FSTL5: variants seen among roughly 807,000 people sequenced by gnomAD.
FSTL5 encodes the protein follistatin-related protein 5.
FSTL5 carries 62 observed loss-of-function variants against 89.1 expected under a neutral mutation model. The ratio of observed to expected loss-of-function variants is 0.70; its 90% CI spans 0.57 to 0.86. FSTL5 has a LOEUF of 0.86. Ranked by LOEUF, FSTL5 falls within the 40% of genes least tolerant of loss-of-function variation. The probability of loss-of-function intolerance (pLI) is 0.00; values close to 1 mark genes in which losing one functional copy is unlikely to be tolerated. For synonymous variants in FSTL5, 383 were observed against 346.2 expected (o/e 1.11, Z -1.18); for missense variants, 1,057 against 1,001.6 (o/e 1.06, Z -0.75).
intron 3 of FSTL5, among the ~76,000 whole-genome samples, chr4:161,981,795 C>G (rs1735834986): frequency 6.6e-6 from 1 of 151,896 alleles, no homozygotes; most frequent in Non-Finnish European, 1.5e-5. Flanking sequence ...GTATTTATTC[C>G]AGCGTATGTA....
In FSTL5 at chr4:161,393,195, C is replaced by A. The variant is rs182815952; in HGVS notation, c.1842-6746G>T. On this transcript the variant is annotated intron_variant, in intron 15 of 15. Coordinates refer to ENST00000306100, the MANE Select transcript of FSTL5 (RefSeq NM_020116.5). Reference sequence around the variant, plus strand: ...AGAAAAGGAAAAGCAGTTTTAAAATCTATTAATTAATCAAAAAATATTACC... The same window carrying A: ...AGAAAAGGAAAAGCAGTTTTAAAATATATTAATTAATCAAAAAATATTACC... Among the ~76,000 whole-genome samples the A allele has an allele frequency of 1.3e-4, 19 of 151,476 alleles. No homozygotes were observed. In the East Asian group the frequency reaches 3.7e-3, roughly 30 times the overall value.
chr4:161,883,307 A>G (rs1030756805), intron 4 of FSTL5, among the ~76,000 whole-genome samples: 4 of 152,216 alleles, frequency 2.6e-5, no homozygotes, highest in African/African-American at 9.6e-5. Context: ...AACAAGCTCT[A>G]TTCACTCAAA....
At chr4:161,825,980 T>C (rs969929837) in intron 4 of FSTL5, among the ~76,000 whole-genome samples, 10 of 152,172 alleles carry the variant, frequency 6.6e-5, no homozygotes, top group African/African-American at 2.4e-4. Context: ...AGATTGTCTA[T>C]TTGTGCTTTT....
intron 4 of FSTL5, among the ~76,000 whole-genome samples, chr4:161,873,016 C>A (rs1047822035): frequency 5.9e-5 from 9 of 152,084 alleles, no homozygotes; most frequent in Non-Finnish European, 1.3e-4. Flanking sequence ...CAAAAATATT[C>A]TGGAACTATA....
At chr4:161,877,463 T>C (rs1330187613) in intron 4 of FSTL5, among the ~76,000 whole-genome samples, 1 of 151,638 alleles carries the variant, frequency 6.6e-6, no homozygotes, top group African/African-American at 2.4e-5. Context: ...ATATTTTAAC[T>C]ATTCCTATAA....
intron 2 of FSTL5, among the ~76,000 whole-genome samples, chr4:162,103,255 C>T (rs1202978028): frequency 6.6e-6 from 1 of 152,142 alleles, no homozygotes; most frequent in Non-Finnish European, 1.5e-5. Context: ...AATAAACACG[C>T]AAACAACACA....
At chr4:161,817,459 C>T (rs1481917502) in intron 4 of FSTL5, among the ~76,000 whole-genome samples, 2 of 152,066 alleles carry the variant, frequency 1.3e-5, no homozygotes, top group Non-Finnish European at 2.9e-5. Context: ...AGAGGCTGCA[C>T]GAAAGTTAAA....
intron 8 of FSTL5, among the ~76,000 whole-genome samples, chr4:161,555,272 A>G (rs2126562877): frequency 6.6e-6 from 1 of 151,720 alleles, no homozygotes; most frequent in East Asian, 1.9e-4. Context: ...ATTTAAAGTT[A>G]GTGGCCTTTT....
At position 161,386,210 on chromosome 4, in the gene FSTL5, G is replaced by C. The variant is rs367671709; in HGVS notation, c.2081C>G (p.Thr694Arg). The C allele has an allele frequency of 1.2e-6, 2 of 1,613,944 alleles. No individual in the cohort carries two copies. Among genetic ancestry groups the C allele is most frequent in the Non-Finnish European group, 1.7e-6 (2 of 1,179,954 alleles). Reference sequence around the variant, plus strand: ...ATCTGGAGAGACATATGGAGTGCCCGTCACATCACTATTGAACCCAATGAC... The same window carrying C: ...ATCTGGAGAGACATATGGAGTGCCCCTCACATCACTATTGAACCCAATGAC... ...DSVIGFNSDV[T>R]GTPYVSPDGH... Residue 694 changes from threonine (T) to arginine (R), a missense_variant, in exon 16 of 16, where the codon ACG (threonine) becomes AGG (arginine). By Grantham distance (71) the Thr-to-Arg change is moderately conservative (BLOSUM62 -1). This residue lies in a region of FSTL5 where 980 missense variants were observed against 903.2 expected (regional missense o/e 1.08). Transcript: ENST00000306100.
At chr4:161,636,828 T>G (rs1337466889) in intron 7 of FSTL5, among the ~76,000 whole-genome samples, 2 of 129,982 alleles carry the variant, frequency 1.5e-5, no homozygotes, top group African/African-American at 6.2e-5. Context: ...TTCCATGGTG[T>G]ATATGTGCCA....
intron 7 of FSTL5, among the ~76,000 whole-genome samples, chr4:161,610,112 T>C (rs906483998): frequency 3.6e-4 from 55 of 152,224 alleles, no homozygotes; most frequent in African/African-American, 1.3e-3. Context: ...TGCTAAATAC[T>C]GTACTAGAGA....
rs551437678 is a variant in FSTL5 at position 162,139,469 on chromosome 4, CACAA to C, written c.-17+24142_-17+24145del. On this transcript the variant is annotated intron_variant, in intron 1 of 15. Coordinates refer to ENST00000306100, the MANE Select transcript of FSTL5 (RefSeq NM_020116.5). ...ACACACACGCCCACACACACACACA[CACAA>C]ACACACACATACACATACACATATA... Among the ~76,000 whole-genome samples the C allele has an allele frequency of 5.6e-4, 83 of 146,938 alleles. No individual in the cohort carries two copies. In the East Asian group the frequency reaches 0.011, roughly 20 times the overall value.
At chr4:161,757,229 T>C (rs530312691) in intron 6 of FSTL5, among the ~76,000 whole-genome samples, 3 of 152,294 alleles carry the variant, frequency 2.0e-5, no homozygotes, top group East Asian at 3.9e-4. Flanking sequence ...GTTATTTAAT[T>C]TCCACCACCT....
intron 7 of FSTL5, among the ~76,000 whole-genome samples, chr4:161,594,536 C>A (rs559627126): frequency 2.6e-5 from 4 of 152,046 alleles, no homozygotes; most frequent in African/African-American, 9.6e-5. Flanking sequence ...TTCCATAACA[C>A]CAAATCTCTT....
At chr4:161,699,211 G>A (rs1336943750) in intron 6 of FSTL5, among the ~76,000 whole-genome samples, 1 of 151,950 alleles carries the variant, frequency 6.6e-6, no homozygotes, top group Non-Finnish European at 1.5e-5. Flanking sequence ...GAAATTTACG[G>A]TCATAAAAAC....
intron 6 of FSTL5, among the ~76,000 whole-genome samples, chr4:161,674,782 AAG>A (rs1341911951): frequency 6.6e-6 from 1 of 152,172 alleles, no homozygotes; most frequent in African/African-American, 2.4e-5. Flanking sequence ...AGTAGGCACA[AAG>A]AGAAATGAAG....
chr4:161,392,072 T>C (rs1274410493), intron 15 of FSTL5, among the ~76,000 whole-genome samples: 2 of 152,176 alleles, frequency 1.3e-5, no homozygotes, highest in East Asian at 3.8e-4. Context: ...ATGTAGGGAC[T>C]CTAATTGTTC....
intron 6 of FSTL5, among the ~76,000 whole-genome samples, chr4:161,679,912 A>G (rs1483891170): frequency 1.3e-5 from 2 of 151,846 alleles, no homozygotes; most frequent in African/African-American, 4.8e-5. Context: ...TGAGTACAAA[A>G]CAATATTAAA....
At chr4:161,877,873 C>G (rs959792955) in intron 4 of FSTL5, among the ~76,000 whole-genome samples, 11 of 151,450 alleles carry the variant, frequency 7.3e-5, no homozygotes, top group Non-Finnish European at 7.4e-5. Flanking sequence ...CCAGGATGGT[C>G]TCGATCTCCT....
Sources: gnomAD v4.1 joint callset for allele counts (sites outside exome capture counted in the v4.1 genomes callset) on GRCh38, gnomAD v4.1.1 for gene constraint, gnomAD v4.1.1 regional missense constraint, MANE v1.5 for transcripts, NCBI Gene and HGNC (gene_info 2026-07-23, HGNC 2026-07-21) for gene names.